AMMECR1: variants seen among roughly 807,000 people sequenced by gnomAD.
The protein encoded by AMMECR1 is AMMECR nuclear protein 1, also known as nuclear protein AMMECR1.
A neutral mutation model predicts 22.5 loss-of-function variants in AMMECR1; 3 were observed. That is an observed-to-expected ratio of 0.13 (90% CI 0.06 to 0.35). AMMECR1 has a LOEUF of 0.35. Ranked by LOEUF, AMMECR1 falls within the 10% of genes least tolerant of loss-of-function variation. AMMECR1 has a pLI of 1.00. For missense variants in AMMECR1, 235 were observed against 278.7 expected, an observed-to-expected ratio of 0.84 and a Z score of 1.12; for synonymous variants, 130 against 116.7, an observed-to-expected ratio of 1.11 and a Z score of -0.74.
chrX:110,316,881 G>A (rs748319983), intron 1 of AMMECR1, among the ~76,000 whole-genome samples: 1 of 106,360 alleles, frequency 9.4e-6, no homozygotes, highest in South Asian at 4.3e-4. Context: ...CTTTGAATGA[G>A]CTATTATCCA....
chrX:110,275,745 G>A (rs368425569), intron 1 of AMMECR1, among the ~76,000 whole-genome samples: 3 of 111,068 alleles, frequency 2.7e-5, no homozygotes, highest in African/African-American at 6.6e-5. Context: ...CAGGAGAATC[G>A]CTTGAACCCA....
chrX:110,245,594 A>C (rs764432947), intron 2 of AMMECR1, among the ~76,000 whole-genome samples: 50 of 111,247 alleles, frequency 4.5e-4, no homozygotes, highest in African/African-American at 1.4e-3. Flanking sequence ...GGACTTTTAA[A>C]AATTTGCTAA....
intron 4 of AMMECR1, among the ~76,000 whole-genome samples, chrX:110,201,310 T>A (rs2067395838): frequency 9.0e-6 from 1 of 111,450 alleles, no homozygotes; most frequent in Admixed American, 9.5e-5. Flanking sequence ...AGTCAAGGGG[T>A]CTAAGGGGCT....
At position 110,198,358 on chromosome X, in the gene AMMECR1, T is replaced by C; in HGVS notation, c.*162A>G. ...TTAACAAATGCCATTTTTCTACCCGTTACCATGATGATCTTAGTTGACGAT... is the reference window on the plus strand; with the variant it reads ...TTAACAAATGCCATTTTTCTACCCGCTACCATGATGATCTTAGTTGACGAT... On this transcript the variant is annotated 3_prime_UTR_variant, in exon 6 of 6. Coordinates refer to ENST00000262844, the MANE Select transcript of AMMECR1 (RefSeq NM_015365.3). 2 of 309,065 alleles carry C rather than the reference T, an allele frequency of 6.5e-6. No individual in the cohort carries two copies. Among genetic ancestry groups the C allele is most frequent in the Non-Finnish European group, 1.1e-5 (2 of 174,786 alleles). 25.5% of individuals were successfully genotyped at this position (309,065 alleles called of 1,213,427 possible).
At chrX:110,232,564 G>A (rs1351713204) in intron 2 of AMMECR1, among the ~76,000 whole-genome samples, 2 of 111,324 alleles carry the variant, frequency 1.8e-5, no homozygotes, top group Admixed American at 1.9e-4. Context: ...AGAGAAAGCA[G>A]GAAAGATCTA....
At chrX:110,333,051 G>A (rs368373181) in intron 2 of AMMECR1, among the ~76,000 whole-genome samples, 96 of 111,686 alleles carry the variant, frequency 8.6e-4, no homozygotes, top group African/African-American at 2.7e-3. Flanking sequence ...CAGCTACCCC[G>A]TCTAACTTTA....
intron 2 of AMMECR1, among the ~76,000 whole-genome samples, chrX:110,256,466 ATATT>A (rs1017816738): frequency 3.6e-5 from 4 of 111,518 alleles, no homozygotes; most frequent in Admixed American, 1.9e-4. Flanking sequence ...AAATATAGAT[ATATT>A]TATTTCTTTT....
chrX:110,203,124 T>C (rs2067405183), intron 3 of AMMECR1, among the ~76,000 whole-genome samples: 1 of 112,309 alleles, frequency 8.9e-6, no homozygotes, highest in Non-Finnish European at 1.9e-5. Flanking sequence ...AAATGCATTA[T>C]GACTTAGAGT....
At chrX:110,354,353 T>C (rs766661033) in intron 2 of AMMECR1, among the ~76,000 whole-genome samples, 3 of 112,202 alleles carry the variant, frequency 2.7e-5, no homozygotes, top group Non-Finnish European at 5.6e-5. Context: ...GTACTTTACA[T>C]GTACATACTT....
At chrX:110,215,341 T>C (rs1244575341) in intron 3 of AMMECR1, among the ~76,000 whole-genome samples, 1 of 108,968 alleles carries the variant, frequency 9.2e-6, no homozygotes, top group Non-Finnish European at 1.9e-5. Flanking sequence ...TATCATAGAG[T>C]TTTTTTTCAA....
At chrX:110,228,191 A>G (rs1461829976) in intron 2 of AMMECR1, among the ~76,000 whole-genome samples, 1 of 111,774 alleles carries the variant, frequency 8.9e-6, no homozygotes, top group East Asian at 2.8e-4. Context: ...GTTTTATATG[A>G]TTCTTAATAG....
At chrX:110,343,140 C>T (rs934472916) in intron 2 of AMMECR1, among the ~76,000 whole-genome samples, 1 of 111,834 alleles carries the variant, frequency 8.9e-6, no homozygotes, top group Non-Finnish European at 1.9e-5. Flanking sequence ...AAAGCTTATC[C>T]ACCATGATCA....
At chrX:110,204,100 G>A (rs989249501) in intron 3 of AMMECR1, among the ~76,000 whole-genome samples, 5 of 111,320 alleles carry the variant, frequency 4.5e-5, no homozygotes, top group Non-Finnish European at 9.4e-5. Context: ...CAGGATAAAG[G>A]ACATCTACTA....
At chrX:110,400,796 C>T (rs144888581) in intron 2 of AMMECR1, among the ~76,000 whole-genome samples, 11,997 of 110,794 alleles carry the variant, frequency 0.11, 1,187 homozygotes, top group African/African-American at 0.31. Flanking sequence ...GAATGTGAGC[C>T]CCTTGAGAAC....
At chrX:110,361,074 C>A (rs913534231) in intron 2 of AMMECR1, among the ~76,000 whole-genome samples, 2 of 110,605 alleles carry the variant, frequency 1.8e-5, no homozygotes, top group Non-Finnish European at 3.8e-5. Flanking sequence ...TAATAGGTAT[C>A]TCCAACTTAC....
chrX:110,414,535 C>T (rs1203015405), intron 2 of AMMECR1, among the ~76,000 whole-genome samples: 1 of 113,170 alleles, frequency 8.8e-6, no homozygotes, highest in African/African-American at 3.2e-5. Context: ...AAGGGCAATA[C>T]TCTTGTTATT....
chrX:110,334,315 C>G (rs1233946893), intron 2 of AMMECR1, among the ~76,000 whole-genome samples: 8 of 112,012 alleles, frequency 7.1e-5, no homozygotes, highest in African/African-American at 2.3e-4. Flanking sequence ...TGGTTACTTA[C>G]TTGCTCACTT....
intron 2 of AMMECR1, among the ~76,000 whole-genome samples, chrX:110,358,180 C>T (rs939168731): frequency 3.1e-4 from 35 of 111,604 alleles, no homozygotes; most frequent in Non-Finnish European, 5.1e-4. Flanking sequence ...CTTAGAGTTG[C>T]GGGTTCTTTC....
At chrX:110,422,619 A>T (rs1290921175) in intron 2 of AMMECR1, among the ~76,000 whole-genome samples, 1 of 112,377 alleles carries the variant, frequency 8.9e-6, no homozygotes, top group African/African-American at 3.2e-5. Context: ...GTCACTTCTC[A>T]AATTTCCTCG....
Sources: allele counts gnomAD v4.1 joint callset (sites outside exome capture counted in the v4.1 genomes callset), GRCh38; gene constraint gnomAD v4.1.1; transcripts MANE v1.5; gene names NCBI Gene and HGNC (gene_info 2026-07-23, HGNC 2026-07-21).